CTNNA3: variants seen among roughly 807,000 people sequenced by gnomAD.
CTNNA3 encodes the protein catenin alpha 3, also known as catenin alpha-3.
A neutral mutation model predicts 95.7 loss-of-function variants in CTNNA3; 76 were observed. The ratio of observed to expected loss-of-function variants is 0.79; its 90% CI spans 0.66 to 0.96. The LOEUF (loss-of-function observed/expected upper bound fraction) is 0.96, where lower values mean the gene tolerates loss of function less well. Ranked by LOEUF, CTNNA3 falls within the 40% of genes least tolerant of loss-of-function variation. The pLI is 0.00. For synonymous variants in CTNNA3, 431 were observed against 374.4 expected (o/e 1.15, Z -1.74); for missense variants, 1,191 against 1,089.8 (o/e 1.09, Z -1.31).
chr10:67,101,835 C>T (rs543703119), intron 7 of CTNNA3, among the ~76,000 whole-genome samples: 1 of 151,764 alleles, frequency 6.6e-6, no homozygotes, highest in South Asian at 2.1e-4. Context: ...AGACAGATAT[C>T]ATCTCTCAAA....
intron 11 of CTNNA3, among the ~76,000 whole-genome samples, chr10:66,424,571 A>G (rs1363538975): frequency 6.6e-6 from 1 of 152,032 alleles, no homozygotes; most frequent in African/African-American, 2.4e-5. Flanking sequence ...TTATAAATAA[A>G]TTTGTTTTCA....
chr10:66,955,945 A>T (rs1848767369), intron 7 of CTNNA3, among the ~76,000 whole-genome samples: 1 of 152,302 alleles, frequency 6.6e-6, no homozygotes, highest in African/African-American at 2.4e-5. Context: ...GGCAAAATTT[A>T]GTCATTCTGG....
chr10:66,989,598 A>T (rs2132927479), intron 7 of CTNNA3, among the ~76,000 whole-genome samples: 1 of 152,316 alleles, frequency 6.6e-6, no homozygotes, highest in South Asian at 2.1e-4. Flanking sequence ...GTGGGTAAAG[A>T]GATGTGTATA....
At chr10:67,036,766 T>TATA (rs1854089399) in intron 7 of CTNNA3, among the ~76,000 whole-genome samples, 3 of 152,326 alleles carry the variant, frequency 2.0e-5, no homozygotes, top group African/African-American at 7.2e-5. Context: ...ATTCTAGAGA[T>TATA]ACAACAGTGA....
At position 66,102,573 on chromosome 10, in the gene CTNNA3, G is replaced by A. The variant is rs574205673; in HGVS notation, c.1977+584C>T. Among the ~76,000 whole-genome samples, 14 of 152,310 alleles carry A rather than the reference G, an allele frequency of 9.2e-5. 1 individual carries two copies. The South Asian group carries it at 2.1e-3, about 23-fold the overall frequency. The stretch of plus-strand genomic sequence containing the variant: ...TGTTGTCTGGTCTGTAGTTGCAAGC[G>A]ATAAGTGGCTAGGATGCCAAACTTT... On this transcript the variant is annotated intron_variant, in intron 14 of 17. Transcript: ENST00000433211.
rs1334478223 is a variant in CTNNA3, at chr10:67,606,933, C to T, written c.216G>A (p.Lys72=). The change falls in exon 3 of 18, where the codon AAG becomes AAA. Residue 72 remains lysine, a synonymous_variant. Coordinates refer to ENST00000433211, the MANE Select transcript of CTNNA3 (RefSeq NM_013266.4). The part of the protein sequence containing the change: ...VEEATWNLLD[K]GEKIAQEATV... ...TAGCTTCCTGGGCAATCTTCTCTCC[C>T]TTGTCTAATAAATTCCAAGTTGCTT... The T allele has an allele frequency of 1.2e-6, 2 of 1,613,942 alleles. No homozygotes were observed. Among genetic ancestry groups the T allele is most frequent in the African/African-American group, 1.3e-5 (1 of 74,928 alleles).
intron 11 of CTNNA3, among the ~76,000 whole-genome samples, chr10:66,406,091 C>A (rs1020445301): frequency 6.6e-6 from 1 of 152,096 alleles, no homozygotes; most frequent in East Asian, 1.9e-4. Context: ...AAAAAAGGAT[C>A]TTATTAAATG....
At chr10:66,373,133 C>T (rs898884611) in intron 12 of CTNNA3, among the ~76,000 whole-genome samples, 1 of 152,058 alleles carries the variant, frequency 6.6e-6, no homozygotes, top group African/African-American at 2.4e-5. Context: ...CTTTAGATTA[C>T]TCCATGTACC....
At chr10:66,633,351 T>TA (rs1217667544) in intron 9 of CTNNA3, among the ~76,000 whole-genome samples, 5 of 152,220 alleles carry the variant, frequency 3.3e-5, no homozygotes, top group Non-Finnish European at 5.9e-5. Context: ...TTAAGTGAGA[T>TA]ACTGCAGAAT....
chr10:66,863,897 C>T (rs1844058042), intron 7 of CTNNA3, among the ~76,000 whole-genome samples: 1 of 152,186 alleles, frequency 6.6e-6, no homozygotes, highest in East Asian at 1.9e-4. Context: ...ATTCATATAG[C>T]ACCTAACAAA....
chr10:67,745,859 T>C (rs534087346), intron 1 of CTNNA3, among the ~76,000 whole-genome samples: 3 of 151,972 alleles, frequency 2.0e-5, no homozygotes, highest in East Asian at 3.9e-4. Flanking sequence ...TAGAAATCAA[T>C]TGAACCAAGG....
intron 7 of CTNNA3, among the ~76,000 whole-genome samples, chr10:67,021,443 T>A (rs1272513748): frequency 6.6e-6 from 1 of 152,218 alleles, no homozygotes; most frequent in East Asian, 1.9e-4. Context: ...AAATATAAAA[T>A]TTTAAATACC....
At chr10:67,212,080 C>CTA in intron 6 of CTNNA3, among the ~76,000 whole-genome samples, 1 of 152,056 alleles carries the variant, frequency 6.6e-6, no homozygotes, top group African/African-American at 2.4e-5. Context: ...TAAATATAAA[C>CTA]AGTACATTGT....
intron 5 of CTNNA3, among the ~76,000 whole-genome samples, chr10:67,391,037 T>C (rs957413367): frequency 2.0e-5 from 3 of 151,570 alleles, no homozygotes; most frequent in Admixed American, 6.6e-5. Flanking sequence ...TTCAACATAG[T>C]GTTGGAAGTT....
intron 12 of CTNNA3, among the ~76,000 whole-genome samples, chr10:66,321,796 C>G (rs2092190455): frequency 6.6e-6 from 1 of 152,112 alleles, no homozygotes; most frequent in Admixed American, 6.5e-5. Flanking sequence ...CGAAAAAGCT[C>G]CAAATAATAC....
chr10:66,036,494 C>T (rs2079565549), intron 15 of CTNNA3, among the ~76,000 whole-genome samples: 1 of 152,140 alleles, frequency 6.6e-6, no homozygotes, highest in African/African-American at 2.4e-5. Context: ...GTTGCTTCAG[C>T]TTCCCGAGTA....
intron 3 of CTNNA3, among the ~76,000 whole-genome samples, chr10:67,604,516 G>A (rs767037472): frequency 4.6e-5 from 7 of 152,134 alleles, no homozygotes; most frequent in Non-Finnish European, 4.4e-5. Flanking sequence ...TTACTATGGA[G>A]GAAGGCTAAT....
At chr10:66,483,762 C>G (rs1297867560) in intron 11 of CTNNA3, among the ~76,000 whole-genome samples, 1 of 152,016 alleles carries the variant, frequency 6.6e-6, no homozygotes. Context: ...TACTCTAACA[C>G]CAATGGCAAT....
intron 11 of CTNNA3, among the ~76,000 whole-genome samples, chr10:66,380,021 T>A (rs1422492465): frequency 6.6e-6 from 1 of 152,232 alleles, no homozygotes; most frequent in Non-Finnish European, 1.5e-5. Flanking sequence ...ATTAAAAGAA[T>A]TAGTGTTCTG....
Sources: allele counts gnomAD v4.1 joint callset (sites outside exome capture counted in the v4.1 genomes callset), GRCh38; gene constraint gnomAD v4.1.1; transcripts MANE v1.5; gene names NCBI Gene and HGNC (gene_info 2026-07-23, HGNC 2026-07-21).